The following PLEKHD1 variants were observed in gnomAD, a reference collection of about 807,000 sequenced individuals.
PLEKHD1 encodes pleckstrin homology domain-containing family D member 1.
Under a neutral mutation model 69.2 loss-of-function variants are expected in PLEKHD1, and 51 were observed. That is an observed-to-expected ratio of 0.74 (90% CI 0.59 to 0.93). The LOEUF is 0.93. Ranked by LOEUF, PLEKHD1 falls within the 40% of genes least tolerant of loss-of-function variation. The probability of loss-of-function intolerance (pLI) is 0.00; values close to 1 mark genes in which losing one functional copy is unlikely to be tolerated. For synonymous variants in PLEKHD1, 236 were observed against 244.7 expected (o/e 0.96, Z 0.33); for missense variants, 584 against 641.0 (o/e 0.91, Z 0.96).
chr14:69,501,125 C>A, intron 4 of PLEKHD1, 178 bp downstream of exon 4: 1 of 639,212 alleles, frequency 1.6e-6, no homozygotes. Flanking sequence ...GAGGGGTCCC[C>A]TGAGTGAGCT....
At chr14:69,481,512 C>T (rs985782028), upstream of PLEKHD1, among the ~76,000 whole-genome samples, 1 of 152,186 alleles carries the variant, frequency 6.6e-6, no homozygotes, top group Non-Finnish European at 1.5e-5. Flanking sequence ...CTGCACTTCA[C>T]TTCACATGAC....
At position 69,484,813 on chromosome 14, in the gene PLEKHD1, A is replaced by C; in HGVS notation, c.-153A>C. 5.7e-6 allele frequency: 5 copies of C among 874,474 alleles called. No homozygotes were observed. Among genetic ancestry groups the C allele is most frequent in the Non-Finnish European group, 8.5e-6 (5 of 590,568 alleles). The allele number at this position is 874,474 out of a possible 1,614,324, so 54.2% of individuals were successfully genotyped here. ...CCCCTTGGTGCCGCGTCCAGTGCCC[A>C]GCGCGCTTTGATGCTGCAGCTCCGG... On this transcript the variant is annotated 5_prime_UTR_variant, in exon 1 of 13. Transcript: ENST00000322564.
At chr14:69,495,131 C>T (rs756857789) in intron 1 of PLEKHD1, among the ~76,000 whole-genome samples, 30 of 152,334 alleles carry the variant, frequency 2.0e-4, no homozygotes, top group Non-Finnish European at 3.8e-4. Context: ...TGAACATCCA[C>T]CTTCCTTCCC....
the PLEKHD1 span, among the ~76,000 whole-genome samples, chr14:69,475,953 A>G: frequency 6.6e-6 from 1 of 152,200 alleles, no homozygotes; most frequent in Non-Finnish European, 1.5e-5. Flanking sequence ...GGGAGGAGGA[A>G]GTGGCATCAG....
rs1883055056 is a variant in PLEKHD1, at chr14:69,502,636, G to A, written c.503-191G>A. On this transcript the variant is annotated intron_variant, in intron 5 of 12. Coordinates refer to ENST00000322564, the MANE Select transcript of PLEKHD1 (RefSeq NM_001161498.2). ...ACCCTAGGAAAAGAAAAAGCAGGATGATGATGGGGGAAGGAGGGTGGCAGC... is the reference window on the plus strand; with the variant it reads ...ACCCTAGGAAAAGAAAAAGCAGGATAATGATGGGGGAAGGAGGGTGGCAGC... 53 of 619,524 alleles carry A rather than the reference G, an allele frequency of 8.6e-5. 2 individuals are homozygous for A. The South Asian group carries it at 1.0e-3, about 12-fold the overall frequency. 38.4% of individuals were successfully genotyped at this position (619,524 alleles called of 1,614,324 possible).
At chr14:69,468,570 C>T in the PLEKHD1 span, among the ~76,000 whole-genome samples, 252 of 147,222 alleles carry the variant, frequency 1.7e-3, no homozygotes, top group African/African-American at 6.2e-3. Flanking sequence ...TCTTTCCTTC[C>T]TTCTTTCTTT....
intron 6 of PLEKHD1, among the ~76,000 whole-genome samples, chr14:69,511,351 T>C (rs1017485694): frequency 6.6e-6 from 1 of 151,622 alleles, no homozygotes; most frequent in Non-Finnish European, 1.5e-5. Context: ...AGAGATGGAG[T>C]TTCATCACGT....
rs113949188 is a variant in PLEKHD1, at chr14:69,500,034, C to A, written c.150-81C>A. On this transcript the variant is annotated intron_variant, in intron 1 of 12. Coordinates refer to ENST00000322564, the MANE Select transcript of PLEKHD1 (RefSeq NM_001161498.2). ...TGTGGGCTCCCATGTGAGTCCAGGG[C>A]CCCCAAGGGTGCTCTTGTTGTCCCA... The A allele has an allele frequency of 5.2e-3, 4,893 of 941,604 alleles. 162 individuals carry two copies. In the African/African-American group the frequency reaches 0.065, roughly 13 times the overall value. The allele number at this position is 941,604 out of a possible 1,614,324, so 58.3% of individuals were successfully genotyped here.
chr14:69,481,861 C>A (rs529667503), upstream of PLEKHD1, among the ~76,000 whole-genome samples: 1 of 152,160 alleles, frequency 6.6e-6, no homozygotes, highest in South Asian at 2.1e-4. Flanking sequence ...CAAGATTGGG[C>A]GGCCCTGACC....
intron 6 of PLEKHD1, among the ~76,000 whole-genome samples, chr14:69,503,975 A>C (rs1594981524): frequency 6.6e-6 from 1 of 151,352 alleles, no homozygotes; most frequent in Non-Finnish European, 1.5e-5. Flanking sequence ...AGTACCGTGG[A>C]TTCTGGAGCC....
At chr14:69,512,394 T>C (rs1883289833) in intron 6 of PLEKHD1, among the ~76,000 whole-genome samples, 1 of 152,144 alleles carries the variant, frequency 6.6e-6, no homozygotes, top group South Asian at 2.1e-4. Flanking sequence ...TTCATTGATT[T>C]CTGCTCTGTT....
intron 1 of PLEKHD1, among the ~76,000 whole-genome samples, chr14:69,490,017 C>T (rs1882742033): frequency 6.6e-6 from 1 of 152,164 alleles, no homozygotes; most frequent in Admixed American, 6.5e-5. Flanking sequence ...CAGGCATGTA[C>T]CACCATGCCC....
At chr14:69,481,381 C>A (rs1184666281), upstream of PLEKHD1, among the ~76,000 whole-genome samples, 1 of 152,188 alleles carries the variant, frequency 6.6e-6, no homozygotes, top group East Asian at 1.9e-4. Flanking sequence ...AGCTAAAATT[C>A]TGTAGCACTC....
chr14:69,486,554 C>A (rs952827750), intron 1 of PLEKHD1, among the ~76,000 whole-genome samples: 7 of 151,330 alleles, frequency 4.6e-5, no homozygotes, highest in African/African-American at 1.7e-4. Context: ...TGTGTAGATT[C>A]AAGCACAATT....
At chr14:69,507,481 G>T (rs1410503113) in intron 6 of PLEKHD1, among the ~76,000 whole-genome samples, 1 of 152,166 alleles carries the variant, frequency 6.6e-6, no homozygotes, top group Admixed American at 6.5e-5. Context: ...CCATGTGCAG[G>T]TTTTTGTGTG....
rs77713239 is a variant in PLEKHD1 at position 69,493,138 on chromosome 14, G to A, written c.150-6977G>A. On this transcript the variant is annotated intron_variant, in intron 1 of 12. Transcript: ENST00000322564. ...CTGCTTTTGATTATCAGCTCCCTGA[G>A]GTCAGCAAATCATCAAGCTCCAGGG... 5.6e-3 allele frequency among the ~76,000 whole-genome samples: 850 copies of A among 152,314 alleles called. 3 individuals are homozygous for A. The highest frequency in any genetic ancestry group is 0.014 in the African/African-American group (570 of 41,562).
intron 1 of PLEKHD1, among the ~76,000 whole-genome samples, chr14:69,496,064 A>G (rs1454907053): frequency 4.6e-5 from 7 of 152,202 alleles, no homozygotes; most frequent in Non-Finnish European, 4.4e-5. Flanking sequence ...AATCTTTATA[A>G]CAGCCCTAAG....
intron 6 of PLEKHD1, among the ~76,000 whole-genome samples, chr14:69,520,991 G>T (rs1883501335): frequency 6.6e-6 from 1 of 152,214 alleles, no homozygotes. Flanking sequence ...TGAGAGCTGG[G>T]CTTGGTGGCT....
chr14:69,493,927 C>T (rs576803338), intron 1 of PLEKHD1, among the ~76,000 whole-genome samples: 1 of 152,108 alleles, frequency 6.6e-6, no homozygotes, highest in Non-Finnish European at 1.5e-5. Flanking sequence ...GAGGGATGGG[C>T]TTCACACGGG....
Sources: gnomAD v4.1 joint callset for allele counts (sites outside exome capture counted in the v4.1 genomes callset) on GRCh38, gnomAD v4.1.1 for gene constraint, MANE v1.5 for transcripts, NCBI Gene and HGNC (gene_info 2026-07-23, HGNC 2026-07-21) for gene names.